Variants in ANAPC2 observed in about 807,000 individuals in gnomAD.
The protein encoded by ANAPC2 is anaphase-promoting complex subunit 2.
Under a neutral mutation model 84.3 loss-of-function variants are expected in ANAPC2, and 29 were observed. The ratio of observed to expected loss-of-function variants is 0.34; its 90% CI spans 0.26 to 0.47. The LOEUF (loss-of-function observed/expected upper bound fraction) is 0.47, where lower values mean the gene tolerates loss of function less well. ANAPC2 is among the 20% of genes least tolerant of loss of function. The probability of loss-of-function intolerance (pLI) is 1.00; values close to 1 mark genes in which losing one functional copy is unlikely to be tolerated. For missense variants in ANAPC2, 857 were observed against 1,131.7 expected, an observed-to-expected ratio of 0.76 and a Z score of 3.48; for synonymous variants, 571 against 479.4, an observed-to-expected ratio of 1.19 and a Z score of -2.50.
intron 10 of ANAPC2, chr9:137,176,699 A>G (rs1588756263): frequency 6.6e-6 from 1 of 152,280 alleles, no homozygotes; most frequent in East Asian, 1.9e-4. Context: ...AGGTGCTTCC[A>G]GTGAGGTCTC....
intron 6 of ANAPC2, among the ~76,000 whole-genome samples, 154 bp from the exon 7 acceptor site, chr9:137,182,016 G>A (rs566917627): frequency 6.6e-6 from 1 of 152,302 alleles, no homozygotes; most frequent in East Asian, 1.9e-4. Context: ...AGGCCCGTCA[G>A]ACTCCTTAAA....
chr9:137,184,836 C>A, intron 4 of ANAPC2, 77 bp downstream of exon 4: 1 of 1,555,308 alleles, frequency 6.4e-7, no homozygotes, highest in Non-Finnish European at 8.7e-7. Context: ...CAGATGCAGA[C>A]ACAGAGGAGA....
At chr9:137,175,526 C>G (rs962555615) in intron 11 of ANAPC2, 54 bp from the exon 12 acceptor site, 1 of 1,500,524 alleles carries the variant, frequency 6.7e-7, no homozygotes, top group African/African-American at 1.4e-5. Context: ...CTGCACCTCC[C>G]CTGCCTCCCG....
chr9:137,176,366 G>A (rs906836486), intron 10 of ANAPC2: 1 of 152,438 alleles, frequency 6.6e-6, no homozygotes, highest in African/African-American at 2.4e-5. Context: ...TGGACTTCCA[G>A]CCTCCAAAAC....
chr9:137,185,208 G>GC, intron 3 of ANAPC2, 121 bp from the exon 4 acceptor site: 1 of 1,071,550 alleles, frequency 9.3e-7, no homozygotes, highest in Non-Finnish European at 1.3e-6. Flanking sequence ...GAGCCCGAAG[G>GC]CCACCTGCGT....
At position 137,185,032 on chromosome 9, in the gene ANAPC2, G is replaced by A; in HGVS notation, c.929C>T (p.Ala310Val). ...GCCGGCCTCGGGAGATGCGGGCCTG[G>A]CGGGGCCGTCCTGCAGGAACACCTT... ...LGKVFLQDGP[A>V]RPASPEAGNT... The change falls in exon 4 of 13, where the codon GCC (alanine) becomes GTC (valine). Residue 310 changes from alanine (A) to valine (V), a missense_variant. Transcript: ENST00000323927. 1 of 1,587,120 alleles carries A rather than the reference G, an allele frequency of 6.3e-7. No homozygotes were observed. The highest frequency in any genetic ancestry group is 1.1e-5 in the South Asian group (1 of 87,680).
Position 137,188,430 on chromosome 9 carries a change from C to T in ANAPC2, c.103G>A (p.Ala35Thr). 6.2e-7 allele frequency: 1 copy of T among 1,608,494 alleles called. No homozygotes were observed. Among genetic ancestry groups the T allele is most frequent in the Non-Finnish European group, 8.5e-7 (1 of 1,179,282 alleles). ...NTVSTGLVPPAALGLVSSRTS... is the reference protein window; with the variant it reads ...NTVSTGLVPPTALGLVSSRTS... Reference sequence around the variant, plus strand: ...CCAGGCCTCACCAGCCCCAGCGCAGCCGGCGGCACCAGGCCGGTGCTCACG... The same window carrying T: ...CCAGGCCTCACCAGCCCCAGCGCAGTCGGCGGCACCAGGCCGGTGCTCACG... The change falls in exon 1 of 13, where the codon GCT becomes ACT. Residue 35 changes from alanine to threonine, a missense_variant. Physicochemically the swap from Ala to Thr is moderately conservative, Grantham distance 58. Coordinates refer to ENST00000323927, the MANE Select transcript of ANAPC2 (RefSeq NM_013366.4).
chr9:137,175,667 C>T (rs749424605), intron 11 of ANAPC2, 41 bp downstream of exon 11: 58 of 1,589,880 alleles, frequency 3.6e-5, no homozygotes, highest in South Asian at 1.4e-4. Context: ...ACAGCTGGGC[C>T]GTGTGGCCGG....
Position 137,180,441 on chromosome 9 carries a change from C to G in ANAPC2, c.1686+11G>C, listed in dbSNP as rs1468910265. 3.7e-6 allele frequency: 6 copies of G among 1,612,728 alleles called. No individual in the cohort carries two copies. In the African/African-American group the frequency reaches 5.3e-5, roughly 14 times the overall value. ...CGGGGCGGCCGGGCAGCGGGCGGGG[C>G]TGGGACCCACCTTCAGCATGACTTC... On this transcript the variant is annotated intron_variant, in intron 9 of 12. Coordinates refer to ENST00000323927, the MANE Select transcript of ANAPC2 (RefSeq NM_013366.4).
At chr9:137,184,147 C>G (rs1170445416) in intron 4 of ANAPC2, among the ~76,000 whole-genome samples, 1 of 152,252 alleles carries the variant, frequency 6.6e-6, no homozygotes, top group South Asian at 2.1e-4. Flanking sequence ...GGTGCACCCC[C>G]CTGCAAGAGC....
chr9:137,180,839 C>A lies in ANAPC2; in HGVS notation c.1559G>T (p.Arg520Leu). The change falls in exon 8 of 13, where the codon CGC becomes CTC. Residue 520 changes from arginine to leucine, a missense_variant. Transcript: ENST00000323927. ...GSKDLFINEY[R>L]SLLADRLLHQ... ...CAGCAGGCGGTCGGCCAGCAGCGAGCGGTACTCATTGATGAAGAGGTCCTT... is the reference window on the plus strand; with the variant it reads ...CAGCAGGCGGTCGGCCAGCAGCGAGAGGTACTCATTGATGAAGAGGTCCTT... The A allele has an allele frequency of 6.2e-7, 1 of 1,612,906 alleles. No homozygotes were observed. Among genetic ancestry groups the A allele is most frequent in the Non-Finnish European group, 8.5e-7 (1 of 1,179,948 alleles).
In ANAPC2 at chr9:137,175,334, C is replaced by T. The variant is rs773256624; in HGVS notation, c.2159G>A (p.Arg720Gln). 56 of 1,612,484 alleles carry T rather than the reference C, an allele frequency of 3.5e-5. No homozygotes were observed. The highest frequency in any genetic ancestry group is 1.5e-4 in the African/African-American group (11 of 74,932). Residue 720 changes from arginine to glutamine, a missense_variant, in exon 12 of 13, where the codon CGG becomes CAG. By Grantham distance (43) the Arg-to-Gln change is conservative. Coordinates refer to ENST00000323927, the MANE Select transcript of ANAPC2 (RefSeq NM_013366.4). ...CACCATGTTGTCCCGGTCCTGAGGC[C>T]GCTCCTCCTCAATGACAGAGAAGGT... ...PGTFSVIEEE[R>Q]PQDRDNMVLI...
intron 10 of ANAPC2, among the ~76,000 whole-genome samples, chr9:137,177,227 G>A (rs1834241775): frequency 6.6e-6 from 1 of 152,236 alleles, no homozygotes; most frequent in Non-Finnish European, 1.5e-5. Flanking sequence ...GAGCCGCCGA[G>A]GCCAAGGCTG....
intron 2 of ANAPC2, 62 bp downstream of exon 2, chr9:137,187,419 C>G: frequency 6.5e-7 from 1 of 1,544,496 alleles, no homozygotes; most frequent in East Asian, 2.3e-5. Flanking sequence ...GCCAGCTGGA[C>G]CCAGGGGAGC....
At position 137,174,901 on chromosome 9, in the gene ANAPC2, A is replaced by AGGGCAGCGCCTGGC. The variant is rs1326649118; in HGVS notation, c.*27_*40dup. ...GGCACGGGAGGACGAGAGCACCTGCAGGGCAGCGCCTGGCGGGCGGGCGGG... is the reference window on the plus strand; with the variant it reads ...GGCACGGGAGGACGAGAGCACCTGCAGGGCAGCGCCTGGCGGGCAGCGCCTGGCGGGCGGGCGGG... On this transcript the variant is annotated 3_prime_UTR_variant, in exon 13 of 13. Coordinates refer to ENST00000323927, the MANE Select transcript of ANAPC2 (RefSeq NM_013366.4). This position sits in a 1 kb window ranked among gnomAD's most constrained non-coding sequence, Gnocchi z 6.1. 1 of 1,094,576 alleles carries AGGGCAGCGCCTGGC rather than the reference A, an allele frequency of 9.1e-7. No homozygotes were observed. Among genetic ancestry groups the AGGGCAGCGCCTGGC allele is most frequent in the Admixed American group, 3.1e-5 (1 of 32,674 alleles). The allele number at this position is 1,094,576 out of a possible 1,614,324, so 67.8% of individuals were successfully genotyped here.
At chr9:137,187,019 C>G (rs1190242476) in intron 2 of ANAPC2, 1 of 180,104 alleles carries the variant, frequency 5.6e-6, no homozygotes, top group Non-Finnish European at 1.2e-5. Context: ...GGACCTGTCT[C>G]TCACAACAAA....
At chr9:137,183,526 A>G in intron 5 of ANAPC2, 146 bp downstream of exon 5, 4 of 1,265,220 alleles carry the variant, frequency 3.2e-6, no homozygotes, top group Non-Finnish European at 4.3e-6. Flanking sequence ...AGATCCCCTA[A>G]GGACCTCACC....
rs192279157 is a variant in ANAPC2 at position 137,185,877 on chromosome 9, C to G, written c.873+347G>C. 1.5e-3 allele frequency among the ~76,000 whole-genome samples: 234 copies of G among 152,336 alleles called. 6 individuals are homozygous for G. Among genetic ancestry groups the G allele is most frequent in the Admixed American group, 0.014 (215 of 15,302 alleles). On this transcript the variant is annotated intron_variant, in intron 3 of 12. Coordinates refer to ENST00000323927, the MANE Select transcript of ANAPC2 (RefSeq NM_013366.4). Reference sequence around the variant, plus strand: ...TAGGGACCGGCCAAGCGAGTCCACACTCAAGTAGGGCAGCAAACAGGAGAA... The same window carrying G: ...TAGGGACCGGCCAAGCGAGTCCACAGTCAAGTAGGGCAGCAAACAGGAGAA...
At chr9:137,183,528 G>A in intron 5 of ANAPC2, 144 bp downstream of exon 5, 1 of 1,273,132 alleles carries the variant, frequency 7.9e-7, no homozygotes, top group Non-Finnish European at 1.1e-6. Context: ...ATCCCCTAAG[G>A]ACCTCACCAA....
Sources: allele counts gnomAD v4.1 joint callset (sites outside exome capture counted in the v4.1 genomes callset), GRCh38; gene constraint gnomAD v4.1.1; non-coding constraint Gnocchi (gnomAD v3.1); transcripts MANE v1.5; gene names NCBI Gene and HGNC (gene_info 2026-07-23, HGNC 2026-07-21).